The following STAU2 variants were observed in gnomAD, a reference collection of about 807,000 sequenced individuals.
STAU2 encodes staufen double-stranded RNA binding protein 2.
In STAU2, 20 loss-of-function variants were observed where a neutral mutation model predicts 65.9. The observed-to-expected ratio is 0.30, with a 90% confidence interval of 0.21 to 0.44. The LOEUF (loss-of-function observed/expected upper bound fraction) is 0.44. STAU2 is among the 20% of genes least tolerant of loss of function. The pLI, the probability that STAU2 is intolerant of heterozygous loss-of-function variation, is 1.00. For synonymous variants in STAU2, 232 were observed against 233.9 expected, an observed-to-expected ratio of 0.99 and a Z score of 0.07; for missense variants, 558 against 683.9, an observed-to-expected ratio of 0.82 and a Z score of 2.05.
chr8:73,709,182 A>C lies in STAU2; in HGVS notation c.-17-20T>G, dbSNP rs1476530028. The stretch of plus-strand genomic sequence containing the variant: ...GAGAAGCTGTAAATAAAAAGGCTAT[A>C]AAGTTTTTGTGAAGAATGACTTTAC... On this transcript the variant is annotated intron_variant, in intron 3 of 14. Coordinates refer to ENST00000524300, the MANE Select transcript of STAU2 (RefSeq NM_001164380.2). The C allele has an allele frequency of 2.7e-6, 4 of 1,481,582 alleles. No homozygotes were observed. Among genetic ancestry groups the C allele is most frequent in the Non-Finnish European group, 3.6e-6 (4 of 1,119,894 alleles). The allele number at this position is 1,481,582 out of a possible 1,614,324, so 91.8% of individuals were successfully genotyped here.
At chr8:73,494,221 G>A (rs79847601) in intron 13 of STAU2, among the ~76,000 whole-genome samples, 3,023 of 151,794 alleles carry the variant, frequency 0.02, 97 homozygotes, top group African/African-American at 0.07. Context: ...TAAAGTACTC[G>A]GGGTGGAGGG....
rs533869886 is a variant in STAU2 at position 73,536,164 on chromosome 8, G to A, written c.1530+15848C>T. ...TGCTTAACTACAAAAAGCTCTGGAC[G>A]CTATATATAAAATAAGCATAATTCC... On this transcript the variant is annotated intron_variant, in intron 13 of 14. Transcript: ENST00000524300. 1.1e-4 allele frequency among the ~76,000 whole-genome samples: 17 copies of A among 152,194 alleles called. No individual in the cohort carries two copies. The South Asian group carries it at 2.7e-3, about 24-fold the overall frequency.
At position 73,613,861 on chromosome 8, in the gene STAU2, T is replaced by G; in HGVS notation, c.774A>C (p.Lys258Asn). 6.2e-7 allele frequency: 1 copy of G among 1,613,510 alleles called. No individual in the cohort carries two copies. Among genetic ancestry groups the G allele is most frequent in the African/African-American group, 1.3e-5 (1 of 74,908 alleles). Residue 258 changes from lysine (K) to asparagine (N), a missense_variant, in exon 9 of 15, where the codon AAA becomes AAC. Transcript: ENST00000524300. ...FSAEGEGNSK[K>N]LSKKRAATTV... is the part of the protein sequence containing the mutation. Reference sequence around the variant, plus strand: ...TGGTCGCAGCGCGCTTCTTGGAGAGTTTTTTGCTATTTCCTTCTCCTTCTG... The same window carrying G: ...TGGTCGCAGCGCGCTTCTTGGAGAGGTTTTTGCTATTTCCTTCTCCTTCTG...
At position 73,595,285 on chromosome 8, in the gene STAU2, T is replaced by G. The variant is rs1811100504; in HGVS notation, c.1042A>C (p.Asn348His). ...GGTCCTGTTCCTGTAGCAACTTCAT[T>G]GCCTACCTTCACCTGATAAGATTAA... ...REFVMQVKVG[N>H]EVATGTGPNK... Residue 348 changes from asparagine to histidine, a missense_variant, in exon 11 of 15, where the codon AAT becomes CAT. This residue lies in a region of STAU2 where 247 missense variants were observed against 270.1 expected (regional missense o/e 0.91). Transcript: ENST00000524300. 1 of 1,603,822 alleles carries G rather than the reference T, an allele frequency of 6.2e-7. No homozygotes were observed. Among genetic ancestry groups the G allele is most frequent in the Non-Finnish European group, 8.5e-7 (1 of 1,176,582 alleles).
chr8:73,437,433 T>G (rs761090453), intron 13 of STAU2, among the ~76,000 whole-genome samples: 1 of 152,074 alleles, frequency 6.6e-6, no homozygotes, highest in Non-Finnish European at 1.5e-5. Context: ...AACCCAGGAA[T>G]GCAGTGGCCA....
intron 9 of STAU2, among the ~76,000 whole-genome samples, chr8:73,613,091 C>T (rs1401427558): frequency 2.6e-5 from 4 of 152,216 alleles, no homozygotes; most frequent in African/African-American, 7.2e-5. Context: ...CACATCTGAA[C>T]GAATGGCAAC....
intron 3 of STAU2, among the ~76,000 whole-genome samples, chr8:73,718,596 A>C (rs1003637207): frequency 2.6e-5 from 4 of 152,216 alleles, no homozygotes; most frequent in Admixed American, 2.6e-4. Context: ...ATGACCACAA[A>C]AGCACTGCAA....
At chr8:73,520,994 G>A (rs1475220666) in intron 13 of STAU2, among the ~76,000 whole-genome samples, 2 of 152,006 alleles carry the variant, frequency 1.3e-5, no homozygotes, top group Non-Finnish European at 2.9e-5. Flanking sequence ...CAAGGGCAAG[G>A]GAATACAGAT....
chr8:73,649,075 G>C (rs916556455), intron 6 of STAU2, among the ~76,000 whole-genome samples: 1 of 152,096 alleles, frequency 6.6e-6, no homozygotes, highest in Non-Finnish European at 1.5e-5. Context: ...CAAAGTGCTG[G>C]GCCACCAGGC....
intron 11 of STAU2, among the ~76,000 whole-genome samples, chr8:73,590,171 G>A (rs1304676084): frequency 2.0e-5 from 3 of 150,304 alleles, no homozygotes; most frequent in African/African-American, 2.4e-5. Context: ...AGGAGAAGAA[G>A]AAAAGGTGGA....
intron 11 of STAU2, among the ~76,000 whole-genome samples, chr8:73,593,787 C>T (rs757349985): frequency 2.6e-5 from 4 of 152,098 alleles, no homozygotes; most frequent in African/African-American, 4.8e-5. Context: ...AGTCTCCATC[C>T]TGTCAGGCTG....
intron 3 of STAU2, among the ~76,000 whole-genome samples, chr8:73,716,944 T>C (rs1378996270): frequency 6.6e-6 from 1 of 151,978 alleles, no homozygotes; most frequent in African/African-American, 2.4e-5. Flanking sequence ...CTATTAAAAA[T>C]ACAAAAAGTA....
intron 11 of STAU2, among the ~76,000 whole-genome samples, chr8:73,583,052 T>C (rs572795418): frequency 1.3e-5 from 2 of 152,340 alleles, no homozygotes; most frequent in South Asian, 2.1e-4. Flanking sequence ...TCTACTTTTG[T>C]CTGATCATGT....
intron 13 of STAU2, among the ~76,000 whole-genome samples, chr8:73,520,681 A>C (rs1244313791): frequency 1.3e-5 from 2 of 152,212 alleles, no homozygotes; most frequent in East Asian, 3.8e-4. Flanking sequence ...GGACACAAGA[A>C]GATCAGCTCT....
At chr8:73,536,598 T>G (rs1413235902) in intron 13 of STAU2, among the ~76,000 whole-genome samples, 1 of 152,096 alleles carries the variant, frequency 6.6e-6, no homozygotes, top group Non-Finnish European at 1.5e-5. Flanking sequence ...GAGTTAGGAT[T>G]TTCATCCCTG....
chr8:73,527,679 G>A (rs1173420601), intron 13 of STAU2: 3 of 1,531,638 alleles, frequency 2.0e-6, no homozygotes, highest in African/African-American at 1.4e-5. Flanking sequence ...AAATGGCAGT[G>A]GCATATTATA....
chr8:73,642,104 A>AT (rs1259963202), intron 6 of STAU2, among the ~76,000 whole-genome samples: 4 of 152,208 alleles, frequency 2.6e-5, no homozygotes, highest in Non-Finnish European at 2.9e-5. Context: ...CACTCACTAA[A>AT]TGTGTTTCGG....
chr8:73,481,568 G>T (rs527521094), intron 13 of STAU2, among the ~76,000 whole-genome samples: 1 of 149,706 alleles, frequency 6.7e-6, no homozygotes, highest in East Asian at 2.0e-4. Flanking sequence ...ATTCTCTAGC[G>T]AGAACGGGCT....
At chr8:73,713,904 T>C (rs527833035) in intron 3 of STAU2, among the ~76,000 whole-genome samples, 16 of 152,010 alleles carry the variant, frequency 1.1e-4, no homozygotes, top group African/African-American at 2.7e-4. Context: ...AAACACGGTT[T>C]CTTTCCTTTT....
Sources: allele counts gnomAD v4.1 joint callset (sites outside exome capture counted in the v4.1 genomes callset), GRCh38; gene constraint gnomAD v4.1.1; regional missense constraint gnomAD v4.1.1; transcripts MANE v1.5; gene names NCBI Gene and HGNC (gene_info 2026-07-23, HGNC 2026-07-21).